CMTM4: variants seen among roughly 807,000 people sequenced by gnomAD.
CMTM4 encodes the protein CKLF like MARVEL transmembrane domain containing 4, also known as CKLF-like MARVEL transmembrane domain-containing protein 4.
CMTM4 carries 8 observed loss-of-function variants against 19.0 expected under a neutral mutation model. The ratio of observed to expected loss-of-function variants is 0.42; its 90% CI spans 0.25 to 0.76. The LOEUF (loss-of-function observed/expected upper bound fraction) is 0.76, where lower values mean the gene tolerates loss of function less well. Among genes scored for constraint, CMTM4 ranks in the 30% least tolerant of loss-of-function variants. The probability of loss-of-function intolerance (pLI) is 0.27; values close to 1 mark genes in which losing one functional copy is unlikely to be tolerated. For synonymous variants in CMTM4, 106 were observed against 121.1 expected, an observed-to-expected ratio of 0.88 and a Z score of 0.82; for missense variants, 228 against 290.2, an observed-to-expected ratio of 0.79 and a Z score of 1.56.
rs758448589 is a variant in CMTM4 at position 66,636,573 on chromosome 16, G to A, written c.195C>T (p.Ala65=). The change falls in exon 2 of 4, where the codon GCC becomes GCT. Residue 65 remains alanine, a synonymous_variant. Transcript: ENST00000394106. ...TCTCTATGCAGATGAATGCAATCAG[G>A]GCCAAGATCTAGGAAGAAAATTGGA... The part of the protein sequence containing the change: ...GRLKVAQVIL[A]LIAFICIETI... 3 of 1,613,898 alleles carry A rather than the reference G, an allele frequency of 1.9e-6. No homozygotes were observed. The highest frequency in any genetic ancestry group is 2.5e-6 in the Non-Finnish European group (3 of 1,179,852).
At chr16:66,611,449 G>A (rs904590669), downstream of CMTM4, among the ~76,000 whole-genome samples, 8 of 151,940 alleles carry the variant, frequency 5.3e-5, no homozygotes, top group Non-Finnish European at 1.0e-4. Flanking sequence ...ACTCCATCTC[G>A]GGGGGAAAAA....
chr16:66,685,406 G>A (rs547667361), intron 1 of CMTM4, among the ~76,000 whole-genome samples: 2 of 151,392 alleles, frequency 1.3e-5, no homozygotes, highest in Admixed American at 1.3e-4. Context: ...TGCTGTGGGG[G>A]AAGAAAAAAA....
At chr16:66,636,687 C>T in intron 1 of CMTM4, 106 bp from the exon 2 acceptor site, 1 of 875,694 alleles carries the variant, frequency 1.1e-6, no homozygotes, top group Non-Finnish European at 1.8e-6. Context: ...CATACTGCCA[C>T]TGAGTTTTCC....
intron 1 of CMTM4, among the ~76,000 whole-genome samples, chr16:66,680,683 A>G (rs747923411): frequency 2.3e-4 from 33 of 145,108 alleles, no homozygotes; most frequent in Non-Finnish European, 4.1e-4. Flanking sequence ...CTGAGGCAGG[A>G]GAATGGCATG....
chr16:66,649,452 A>G (rs891981512), intron 1 of CMTM4, among the ~76,000 whole-genome samples: 1 of 120,916 alleles, frequency 8.3e-6, no homozygotes, highest in Non-Finnish European at 1.7e-5. Context: ...CCTTCTCTCT[A>G]TCTATCCATC....
intron 1 of CMTM4, among the ~76,000 whole-genome samples, chr16:66,683,901 C>G (rs2016987637): frequency 6.6e-6 from 1 of 151,930 alleles, no homozygotes; most frequent in Admixed American, 6.6e-5. Flanking sequence ...AGGAGGCTGC[C>G]TAATTTAAAA....
At chr16:66,639,521 G>T (rs976023248) in intron 1 of CMTM4, among the ~76,000 whole-genome samples, 1 of 152,138 alleles carries the variant, frequency 6.6e-6, no homozygotes, top group African/African-American at 2.4e-5. Flanking sequence ...GAACGAAGGA[G>T]AAAAATGGAA....
At chr16:66,695,627 C>A (rs1318714654) in intron 1 of CMTM4, among the ~76,000 whole-genome samples, 1 of 152,152 alleles carries the variant, frequency 6.6e-6, no homozygotes, top group Non-Finnish European at 1.5e-5. Context: ...ACAGACAAGT[C>A]CAACAGAAAG....
At chr16:66,693,273 A>C (rs2017170796) in intron 1 of CMTM4, among the ~76,000 whole-genome samples, 1 of 152,094 alleles carries the variant, frequency 6.6e-6, no homozygotes, top group Non-Finnish European at 1.5e-5. Context: ...TAGACATGGG[A>C]TCTTGCTACG....
chr16:66,626,201 G>C (rs893226814), intron 2 of CMTM4, among the ~76,000 whole-genome samples: 1 of 152,062 alleles, frequency 6.6e-6, no homozygotes, highest in African/African-American at 2.4e-5. Context: ...TTGGGAGGCC[G>C]AGGTGGGCGG....
chr16:66,648,089 G>T (rs1239775753), intron 1 of CMTM4, among the ~76,000 whole-genome samples: 1 of 152,176 alleles, frequency 6.6e-6, no homozygotes, highest in Admixed American at 6.5e-5. Flanking sequence ...CTTTGAATTT[G>T]TGTGGGGCCA....
At chr16:66,600,454 G>A in the CMTM4 span, among the ~76,000 whole-genome samples, 1 of 152,046 alleles carries the variant, frequency 6.6e-6, no homozygotes, top group Non-Finnish European at 1.5e-5. Context: ...CCAGGGCCAC[G>A]TTTTTAATAA....
chr16:66,657,361 G>C (rs355957), intron 1 of CMTM4, among the ~76,000 whole-genome samples: 7,435 of 152,190 alleles, frequency 0.049, 297 homozygotes, highest in Admixed American at 0.11. Flanking sequence ...AAAGTACTGG[G>C]ATTACAGGCG....
intron 1 of CMTM4, among the ~76,000 whole-genome samples, chr16:66,681,482 A>T (rs939026101): frequency 6.6e-6 from 1 of 151,846 alleles, no homozygotes; most frequent in African/African-American, 2.4e-5. Flanking sequence ...ACGCCCAGCT[A>T]ATTTTTTTGT....
At chr16:66,629,551 CTT>C (rs934075726) in intron 2 of CMTM4, among the ~76,000 whole-genome samples, 2 of 152,160 alleles carry the variant, frequency 1.3e-5, no homozygotes, top group African/African-American at 4.8e-5. Context: ...CCTTGAATCT[CTT>C]GAGTGATATG....
chr16:66,647,588 A>G (rs2016228647), intron 1 of CMTM4, among the ~76,000 whole-genome samples: 2 of 152,176 alleles, frequency 1.3e-5, no homozygotes, highest in South Asian at 4.1e-4. Flanking sequence ...GAAGTTGGAC[A>G]AAAGAGCAAA....
At chr16:66,668,545 T>A (rs1451792111) in intron 1 of CMTM4, among the ~76,000 whole-genome samples, 1 of 152,132 alleles carries the variant, frequency 6.6e-6, no homozygotes, top group African/African-American at 2.4e-5. Context: ...TTTTTGGCAT[T>A]TGGAATGTAA....
intron 2 of CMTM4, among the ~76,000 whole-genome samples, chr16:66,633,443 G>A (rs370545146): frequency 1.3e-5 from 2 of 152,020 alleles, no homozygotes; most frequent in South Asian, 2.1e-4. Context: ...CTTCTGTAGC[G>A]AGTTGATGAG....
chr16:66,677,771 A>G (rs1053453151), intron 1 of CMTM4, among the ~76,000 whole-genome samples: 3 of 151,786 alleles, frequency 2.0e-5, no homozygotes, highest in Non-Finnish European at 4.4e-5. Flanking sequence ...GCATGGTCTC[A>G]GCTCACTGCA....
Sources: allele counts gnomAD v4.1 joint callset (sites outside exome capture counted in the v4.1 genomes callset), GRCh38; gene constraint gnomAD v4.1.1; transcripts MANE v1.5; gene names NCBI Gene and HGNC (gene_info 2026-07-23, HGNC 2026-07-21).